Variants in EPHA3 observed in about 807,000 individuals in gnomAD.
The protein encoded by EPHA3 is ephrin type-A receptor 3.
EPHA3 carries 42 observed loss-of-function variants against 107.1 expected under a neutral mutation model. The ratio of observed to expected loss-of-function variants is 0.39; its 90% CI spans 0.31 to 0.51. The LOEUF is 0.51. Ranked by LOEUF, EPHA3 falls within the 20% of genes least tolerant of loss-of-function variation. The probability of loss-of-function intolerance (pLI) is 0.78; values close to 1 mark genes in which losing one functional copy is unlikely to be tolerated. For missense variants in EPHA3, 1,183 were observed against 1,211.2 expected, an observed-to-expected ratio of 0.98 and a Z score of 0.35; for synonymous variants, 461 against 424.8, an observed-to-expected ratio of 1.09 and a Z score of -1.05.
intron 3 of EPHA3, among the ~76,000 whole-genome samples, chr3:89,215,043 G>C (rs1476931586): frequency 6.6e-6 from 1 of 151,816 alleles, no homozygotes; most frequent in Non-Finnish European, 1.5e-5. Flanking sequence ...TGCCTTGAAA[G>C]AATCATGTGA....
intron 3 of EPHA3, among the ~76,000 whole-genome samples, chr3:89,331,658 T>G (rs1707293049): frequency 1.3e-5 from 2 of 152,256 alleles, no homozygotes; most frequent in South Asian, 4.1e-4. Flanking sequence ...TATCTCAGAC[T>G]CCTTCTCTGG....
rs546089703 is a variant in EPHA3 at position 89,446,505 on chromosome 3, G to A, written c.2347-2720G>A. Among the ~76,000 whole-genome samples, 6 of 152,156 alleles carry A rather than the reference G, an allele frequency of 3.9e-5. No individual in the cohort carries two copies. The East Asian group carries it at 7.7e-4, about 20-fold the overall frequency. ...ACACTTAAAATGAAACAACTCTTCT[G>A]TGTTTCTTTTTAACCCTGATTGAAT... On this transcript the variant is annotated intron_variant, in intron 13 of 16. Coordinates refer to ENST00000336596, the MANE Select transcript of EPHA3 (RefSeq NM_005233.6).
At chr3:89,391,886 TTC>T (rs930782943) in intron 5 of EPHA3, among the ~76,000 whole-genome samples, 1 of 152,186 alleles carries the variant, frequency 6.6e-6, no homozygotes, top group African/African-American at 2.4e-5. Flanking sequence ...TTAATATTAT[TTC>T]TCTCTCTTAA....
intron 7 of EPHA3, among the ~76,000 whole-genome samples, chr3:89,401,462 G>A (rs1366259186): frequency 1.3e-5 from 2 of 152,050 alleles, no homozygotes; most frequent in African/African-American, 4.8e-5. Flanking sequence ...GTGCCAACAA[G>A]GTTTAAAACA....
intron 3 of EPHA3, among the ~76,000 whole-genome samples, chr3:89,239,159 C>A (rs1042682681): frequency 1.3e-5 from 2 of 152,168 alleles, no homozygotes; most frequent in African/African-American, 4.8e-5. Context: ...TGATCTATCT[C>A]TAACTGTATA....
intron 5 of EPHA3, among the ~76,000 whole-genome samples, chr3:89,346,562 G>C (rs1344316329): frequency 1.3e-5 from 2 of 149,068 alleles, no homozygotes; most frequent in Admixed American, 1.3e-4. Context: ...CTCCCATTTT[G>C]TAGGTTGCCT....
At chr3:89,228,437 T>C (rs1041121828) in intron 3 of EPHA3, among the ~76,000 whole-genome samples, 2 of 151,998 alleles carry the variant, frequency 1.3e-5, no homozygotes, top group African/African-American at 4.8e-5. Flanking sequence ...TTATGCATAG[T>C]GCTCTTGTCA....
intron 3 of EPHA3, among the ~76,000 whole-genome samples, chr3:89,241,891 C>T (rs994021657): frequency 2.0e-5 from 3 of 151,862 alleles, no homozygotes; most frequent in African/African-American, 7.3e-5. Context: ...ACTTTATCCC[C>T]CTCTCAGCCC....
At chr3:89,163,259 G>A (rs187264937) in intron 2 of EPHA3, among the ~76,000 whole-genome samples, 7 of 152,166 alleles carry the variant, frequency 4.6e-5, no homozygotes, top group East Asian at 1.9e-4. Context: ...GGACTTAAGC[G>A]CCTAGTACAT....
At chr3:89,322,195 C>G (rs1707059670) in intron 3 of EPHA3, among the ~76,000 whole-genome samples, 1 of 151,912 alleles carries the variant, frequency 6.6e-6, no homozygotes, top group Admixed American at 6.6e-5. Context: ...TCCTATTTGG[C>G]ACCATGGAAT....
intron 3 of EPHA3, among the ~76,000 whole-genome samples, chr3:89,225,914 G>T (rs543335133): frequency 6.6e-5 from 10 of 152,170 alleles, no homozygotes; most frequent in South Asian, 4.2e-4. Flanking sequence ...GCCACTGTGG[G>T]ACCACAGTCT....
At chr3:89,165,528 C>G (rs565575854) in intron 2 of EPHA3, among the ~76,000 whole-genome samples, 2 of 152,312 alleles carry the variant, frequency 1.3e-5, no homozygotes, top group East Asian at 3.9e-4. Flanking sequence ...CTTCTGTGCT[C>G]TTCTGTGCCT....
intron 3 of EPHA3, among the ~76,000 whole-genome samples, chr3:89,302,997 A>G (rs923732780): frequency 6.6e-6 from 1 of 151,990 alleles, no homozygotes; most frequent in Non-Finnish European, 1.5e-5. Context: ...AGCTCAAGTG[A>G]TCCTTCTACT....
chr3:89,428,831 G>A (rs531073863), intron 11 of EPHA3, among the ~76,000 whole-genome samples: 232 of 152,136 alleles, frequency 1.5e-3, no homozygotes, highest in African/African-American at 5.3e-3. Flanking sequence ...GAGGAAAGGG[G>A]CATATTTTTT....
intron 3 of EPHA3, among the ~76,000 whole-genome samples, chr3:89,276,463 C>T (rs1286791037): frequency 2.0e-5 from 3 of 152,002 alleles, no homozygotes; most frequent in East Asian, 1.9e-4. Context: ...AATGGTTTTG[C>T]AAATGTCTCC....
intron 2 of EPHA3, among the ~76,000 whole-genome samples, chr3:89,141,937 T>G (rs1704439682): frequency 2.0e-5 from 3 of 151,510 alleles, no homozygotes; most frequent in East Asian, 3.9e-4. Flanking sequence ...TTTACACAGA[T>G]TCCTCCAGGC....
intron 2 of EPHA3, among the ~76,000 whole-genome samples, chr3:89,150,317 G>T (rs1007866320): frequency 1.6e-4 from 24 of 151,764 alleles, no homozygotes; most frequent in African/African-American, 5.3e-4. Context: ...AAGTCAACAT[G>T]GTCTTTAGGA....
intron 3 of EPHA3, among the ~76,000 whole-genome samples, chr3:89,228,209 A>G (rs1704543983): frequency 6.6e-6 from 1 of 151,936 alleles, no homozygotes; most frequent in African/African-American, 2.4e-5. Context: ...TGTTTCATCC[A>G]TGGGTTGATA....
intron 2 of EPHA3, among the ~76,000 whole-genome samples, chr3:89,201,216 A>G (rs1362711162): frequency 1.3e-5 from 2 of 152,058 alleles, no homozygotes; most frequent in African/African-American, 4.8e-5. Context: ...CACACTTTCA[A>G]ACAAGCAGAT....
Sources: gnomAD v4.1 joint callset for allele counts (sites outside exome capture counted in the v4.1 genomes callset) on GRCh38, gnomAD v4.1.1 for gene constraint, MANE v1.5 for transcripts, NCBI Gene and HGNC (gene_info 2026-07-23, HGNC 2026-07-21) for gene names.